PPP6R2: variants seen among roughly 807,000 people sequenced by gnomAD.
PPP6R2 encodes the protein serine/threonine-protein phosphatase 6 regulatory subunit 2.
Under a neutral mutation model 100.2 loss-of-function variants are expected in PPP6R2, and 62 were observed. The observed-to-expected ratio is 0.62, with a 90% CI of 0.50 to 0.76. PPP6R2 has a LOEUF of 0.76. Ranked by LOEUF, PPP6R2 falls within the 30% of genes least tolerant of loss-of-function variation. The pLI is 0.00. For synonymous variants in PPP6R2, 525 were observed against 514.7 expected, an observed-to-expected ratio of 1.02 and a Z score of -0.27; for missense variants, 1,142 against 1,276.3, an observed-to-expected ratio of 0.89 and a Z score of 1.60.
At chr22:50,396,983 AT>A (rs2057029616) in intron 3 of PPP6R2, among the ~76,000 whole-genome samples, 1 of 152,132 alleles carries the variant, frequency 6.6e-6, no homozygotes, top group South Asian at 2.1e-4. Flanking sequence ...CTGGTGACAA[AT>A]TAGAGTTGAG....
At position 50,393,889 on chromosome 22, in the gene PPP6R2, G is replaced by A. The variant is rs1371780338; in HGVS notation, c.-16-4G>A. 3 of 1,614,030 alleles carry A rather than the reference G, an allele frequency of 1.9e-6. No homozygotes were observed. Among genetic ancestry groups the A allele is most frequent in the South Asian group, 2.2e-5 (2 of 91,082 alleles). On this transcript the variant is annotated splice_region_variant and splice_polypyrimidine_tract_variant and intron_variant, in intron 2 of 23. Transcript: ENST00000612753. Reference sequence around the variant, plus strand: ...AGACGTGACCCCTTTGCCCTCGTTTGCAGCTCTGCGGCCGTCACGATGTTC... The same window carrying A: ...AGACGTGACCCCTTTGCCCTCGTTTACAGCTCTGCGGCCGTCACGATGTTC...
chr22:50,419,051 C>T (rs932480256), intron 7 of PPP6R2, 72 bp downstream of exon 7: 32 of 1,238,480 alleles, frequency 2.6e-5, no homozygotes, highest in Admixed American at 1.0e-4. Flanking sequence ...GAGCCTTGCT[C>T]TGAGCACCAG....
upstream of PPP6R2, among the ~76,000 whole-genome samples, chr22:50,338,587 TTGTGGTGTGTGGTGTGTG>T (rs2042330358): frequency 1.0e-5 from 1 of 97,060 alleles, no homozygotes; most frequent in Non-Finnish European, 2.0e-5. Flanking sequence ...TGGTGTGTGT[TTGTGGTGTGTGGTGTGTG>T]TGGTATGTAG....
At chr22:50,338,502 GGTGTGTGTAGTGT>G (rs1190346212), upstream of PPP6R2, among the ~76,000 whole-genome samples, 1 of 140,314 alleles carries the variant, frequency 7.1e-6, no homozygotes, top group Non-Finnish European at 1.5e-5. Flanking sequence ...TGTGGTATGT[GGTGTGTGTAGTGT>G]GTGTGTGCGG....
rs577206858 is a variant in PPP6R2, at chr22:50,421,468, A to G, written c.846-786A>G. 4.6e-5 allele frequency among the ~76,000 whole-genome samples: 7 copies of G among 152,248 alleles called. No individual in the cohort carries two copies. In the East Asian group the frequency reaches 1.4e-3, roughly 29 times the overall value. The stretch of plus-strand genomic sequence containing the variant: ...AGCGATCCTCCCACCTGTCCCCCCC[A>G]AAGTGCTGGGATTATAGGTGTGAGC... On this transcript the variant is annotated intron_variant, in intron 8 of 23. Transcript: ENST00000612753.
the PPP6R2 span, among the ~76,000 whole-genome samples, chr22:50,337,187 G>C: frequency 7.3e-6 from 1 of 137,080 alleles, no homozygotes; most frequent in Admixed American, 7.3e-5. Flanking sequence ...TGGGGTGTGT[G>C]CGTGTGTGCT....
At chr22:50,427,066 G>A (rs1442596242) in intron 10 of PPP6R2, among the ~76,000 whole-genome samples, 1 of 151,682 alleles carries the variant, frequency 6.6e-6, no homozygotes, top group Non-Finnish European at 1.5e-5. Context: ...GCATGTGCCT[G>A]TAGTCCCAGC....
intron 2 of PPP6R2, among the ~76,000 whole-genome samples, chr22:50,388,466 T>C (rs936422888): frequency 1.3e-5 from 2 of 151,244 alleles, no homozygotes; most frequent in East Asian, 3.9e-4. Flanking sequence ...TTTGGGAGGC[T>C]GATGTGGGAG....
chr22:50,369,839 A>G (rs2049626546), intron 1 of PPP6R2, among the ~76,000 whole-genome samples: 1 of 151,182 alleles, frequency 6.6e-6, no homozygotes, highest in Admixed American at 6.6e-5. Flanking sequence ...GTGCTCAAGC[A>G]GTCCTCCCAC....
upstream of PPP6R2, among the ~76,000 whole-genome samples, chr22:50,340,061 GGT>G (rs1392049316): frequency 4.2e-5 from 6 of 142,682 alleles, no homozygotes; most frequent in Admixed American, 2.1e-4. Flanking sequence ...TGTGGTGTGT[GGT>G]GTGTGATGTG....
At chr22:50,443,752 A>C (rs2066416831) in intron 22 of PPP6R2, 114 bp from the exon 23 acceptor site, 1 of 1,410,934 alleles carries the variant, frequency 7.1e-7, no homozygotes. Context: ...AGAGGGGCCA[A>C]AGATGGTGCT....
intron 3 of PPP6R2, among the ~76,000 whole-genome samples, chr22:50,398,089 TTGGGAGGCTGAGG>T (rs1244649621): frequency 6.6e-6 from 1 of 152,080 alleles, no homozygotes; most frequent in Non-Finnish European, 1.5e-5. Flanking sequence ...TCCCAGCACT[TTGGGAGGCTGAGG>T]TGGGAGGATC....
chr22:50,429,273 C>T (rs1444830771), intron 10 of PPP6R2, among the ~76,000 whole-genome samples: 2 of 152,168 alleles, frequency 1.3e-5, no homozygotes, highest in African/African-American at 4.8e-5. Context: ...TCAGGTGATC[C>T]ACCCTCCTCG....
chr22:50,438,855 A>C lies in PPP6R2; in HGVS notation c.2128+93A>C, dbSNP rs2064970742. ...GTTGTGGAGGCTTCATTTGGAGCTG[A>C]GGCATTTGGGGCTCACTGTGGCCCG... On this transcript the variant is annotated intron_variant, in intron 19 of 23. Coordinates refer to ENST00000612753, the MANE Select transcript of PPP6R2 (RefSeq NM_001242898.2). 5 of 1,312,660 alleles carry C rather than the reference A, an allele frequency of 3.8e-6. No individual in the cohort carries two copies. In the South Asian group the frequency reaches 5.9e-5, roughly 16 times the overall value. 81.3% of individuals were successfully genotyped at this position (1,312,660 alleles called of 1,614,324 possible).
At chr22:50,401,459 G>A (rs1184358914) in intron 3 of PPP6R2, among the ~76,000 whole-genome samples, 14 of 68,702 alleles carry the variant, frequency 2.0e-4, no homozygotes, top group Admixed American at 1.2e-3. Context: ...CGCCCGCCTC[G>A]GCCTCCCAAA....
At chr22:50,382,369 C>T (rs953701723) in intron 2 of PPP6R2, among the ~76,000 whole-genome samples, 8 of 151,906 alleles carry the variant, frequency 5.3e-5, no homozygotes, top group East Asian at 1.9e-4. Flanking sequence ...GAGGCTAAGG[C>T]GGGCGGATCA....
Position 50,423,698 on chromosome 22 carries a change from GC to G in PPP6R2, c.1125+88del. 1 of 1,526,700 alleles carries G rather than the reference GC, an allele frequency of 6.6e-7. No homozygotes were observed. The allele number at this position is 1,526,700 out of a possible 1,614,324, so 94.6% of individuals were successfully genotyped here. On this transcript the variant is annotated intron_variant, in intron 10 of 23. Transcript: ENST00000612753. This position sits in a 1 kb window ranked among gnomAD's most constrained non-coding sequence, Gnocchi z 4.8. ...GACTTGTCAGGAGCAGCAGAGCAGG[GC>G]CCCAGCATTTGGACAAAGCTCTGCC... is the stretch of plus-strand genomic sequence containing the variant.
the PPP6R2 span, among the ~76,000 whole-genome samples, chr22:50,334,058 C>T: frequency 6.6e-6 from 1 of 152,260 alleles, no homozygotes; most frequent in South Asian, 2.1e-4. Flanking sequence ...AACTTTGCTA[C>T]TGCTATCTAG....
chr22:50,394,049 C>A lies in PPP6R2; in HGVS notation c.141C>A (p.Phe47Leu). 6.2e-7 allele frequency: 1 copy of A among 1,614,192 alleles called. No individual in the cohort carries two copies. Among genetic ancestry groups the A allele is most frequent in the Non-Finnish European group, 8.5e-7 (1 of 1,180,032 alleles). Residue 47 changes from phenylalanine to leucine, a missense_variant, in exon 3 of 24, where the codon TTC becomes TTA. By Grantham distance (22) the Phe-to-Leu change is conservative. Transcript: ENST00000612753. ...CTCAGAACCAGAAGCTGCTGGACTTCCTGTGCAGGCAGCAGTGCATGGAGG... is the reference window on the plus strand; with the variant it reads ...CTCAGAACCAGAAGCTGCTGGACTTACTGTGCAGGCAGCAGTGCATGGAGG... ...CKAQNQKLLD[F>L]LCRQQCMEEL...
Sources: allele counts gnomAD v4.1 joint callset (sites outside exome capture counted in the v4.1 genomes callset), GRCh38; gene constraint gnomAD v4.1.1; non-coding constraint Gnocchi (gnomAD v3.1); transcripts MANE v1.5; gene names NCBI Gene and HGNC (gene_info 2026-07-23, HGNC 2026-07-21).